MALRD1: variants seen among roughly 807,000 people sequenced by gnomAD.
The protein encoded by MALRD1 is MAM and LDL-receptor class A domain-containing protein 1.
MALRD1 carries 247 observed loss-of-function variants against 242.1 expected under a neutral mutation model. That is an observed-to-expected ratio of 1.02 (90% CI 0.92 to 1.13). The LOEUF is 1.13. Ranked by LOEUF, MALRD1 falls within the 50% of genes most tolerant of loss-of-function variation. The pLI is 0.00. For synonymous variants in MALRD1, 995 were observed against 866.6 expected, an observed-to-expected ratio of 1.15 and a Z score of -2.60; for missense variants, 2,989 against 2,533.1, an observed-to-expected ratio of 1.18 and a Z score of -3.86.
At chr10:19,475,151 C>G (rs1209509020) in intron 29 of MALRD1, among the ~76,000 whole-genome samples, 1 of 152,194 alleles carries the variant, frequency 6.6e-6, no homozygotes. Flanking sequence ...CGCAGTGGCT[C>G]ACGCCTGTAA....
intron 36 of MALRD1, among the ~76,000 whole-genome samples, chr10:19,681,867 T>C (rs1319565937): frequency 6.6e-6 from 1 of 150,624 alleles, no homozygotes; most frequent in African/African-American, 2.4e-5. Flanking sequence ...ACTTTTTTTT[T>C]TTTTTTTTTG....
At chr10:19,377,302 TA>T (rs762556150) in intron 26 of MALRD1, among the ~76,000 whole-genome samples, 1 of 152,280 alleles carries the variant, frequency 6.6e-6, no homozygotes, top group East Asian at 1.9e-4. Flanking sequence ...GTTATTTTTA[TA>T]TATTAAGTAA....
At chr10:19,672,405 A>G (rs1841963022) in intron 36 of MALRD1, among the ~76,000 whole-genome samples, 1 of 147,416 alleles carries the variant, frequency 6.8e-6, no homozygotes. Flanking sequence ...CAACAGAGAT[A>G]TATAGCTTTT....
At chr10:19,384,847 T>G (rs1846012342) in intron 26 of MALRD1, among the ~76,000 whole-genome samples, 1 of 151,042 alleles carries the variant, frequency 6.6e-6, no homozygotes, top group African/African-American at 2.4e-5. Flanking sequence ...TTGCTCCTTA[T>G]GCTAGAGAAA....
At chr10:19,475,340 A>G (rs1836682707) in intron 29 of MALRD1, among the ~76,000 whole-genome samples, 2 of 152,312 alleles carry the variant, frequency 1.3e-5, no homozygotes, top group South Asian at 2.1e-4. Context: ...GTGTGAACCC[A>G]GGAGGCGGAG....
chr10:19,727,391 C>G (rs1017501515), intron 38 of MALRD1, among the ~76,000 whole-genome samples: 8 of 152,062 alleles, frequency 5.3e-5, no homozygotes, highest in Non-Finnish European at 1.2e-4. Flanking sequence ...TAAGTGAATT[C>G]CATTAGAAGT....
intron 19 of MALRD1, among the ~76,000 whole-genome samples, chr10:19,261,066 G>T (rs1839726078): frequency 6.6e-6 from 1 of 152,110 alleles, no homozygotes; most frequent in Non-Finnish European, 1.5e-5. Flanking sequence ...GAATCACTGT[G>T]ACCTCAGAGT....
intron 35 of MALRD1, among the ~76,000 whole-genome samples, chr10:19,609,165 TGTAG>T (rs1041143398): frequency 9.9e-5 from 15 of 152,080 alleles, no homozygotes; most frequent in Non-Finnish European, 2.1e-4. Context: ...ATAGACAATC[TGTAG>T]GTAGTGCTAT....
At chr10:19,598,100 A>AG in intron 34 of MALRD1, 1 of 152,222 alleles carries the variant, frequency 6.6e-6, no homozygotes, top group Admixed American at 6.6e-5. Context: ...TATGGGATGG[A>AG]TTGGAGTGAG....
intron 31 of MALRD1, among the ~76,000 whole-genome samples, chr10:19,527,524 A>C (rs765468314): frequency 6.6e-6 from 1 of 152,202 alleles, no homozygotes; most frequent in Non-Finnish European, 1.5e-5. Flanking sequence ...TTTCAACATC[A>C]GGTTGACACT....
Position 19,595,262 on chromosome 10 carries a change from G to C in MALRD1, c.5749G>C (p.Val1917Leu). 6.4e-7 allele frequency: 1 copy of C among 1,550,614 alleles called. No individual in the cohort carries two copies. The highest frequency in any genetic ancestry group is 8.7e-7 in the Non-Finnish European group (1 of 1,146,928). The change falls in exon 34 of 40, where the codon GTC becomes CTC. Residue 1917 changes from valine to leucine, a missense_variant. Coordinates refer to ENST00000454679, the MANE Select transcript of MALRD1 (RefSeq NM_001142308.3). The stretch of plus-strand genomic sequence containing the variant: ...TTCTTGTATCTACACACTCCAATGT[G>C]TCCCTCTCTCAGGGAAATGTGATGG... ...QFSCIYTLQCVPLSGKCDGHE... is the reference protein window; with the variant it reads ...QFSCIYTLQCLPLSGKCDGHE...
At chr10:19,581,994 G>T (rs1439892087) in intron 33 of MALRD1, among the ~76,000 whole-genome samples, 1 of 152,120 alleles carries the variant, frequency 6.6e-6, no homozygotes, top group Non-Finnish European at 1.5e-5. Context: ...TTTTTTTCAT[G>T]TGTTTTTTGG....
At chr10:19,384,548 A>G (rs1845989159) in intron 26 of MALRD1, among the ~76,000 whole-genome samples, 1 of 121,378 alleles carries the variant, frequency 8.2e-6, no homozygotes, top group Non-Finnish European at 1.6e-5. Context: ...TTTACTATAT[A>G]TTATATATTA....
intron 18 of MALRD1, among the ~76,000 whole-genome samples, chr10:19,217,827 C>A (rs1005138682): frequency 6.6e-6 from 1 of 152,136 alleles, no homozygotes; most frequent in African/African-American, 2.4e-5. Flanking sequence ...CCCAATCAAT[C>A]ATGCGGTCTT....
intron 20 of MALRD1, 136 bp downstream of exon 20, chr10:19,280,359 A>G (rs770699191): frequency 6.7e-6 from 4 of 594,772 alleles, no homozygotes; most frequent in Non-Finnish European, 7.5e-6. Context: ...TGTAACAGTT[A>G]TTCATACAGA....
intron 36 of MALRD1, among the ~76,000 whole-genome samples, chr10:19,619,098 A>T (rs1184413031): frequency 6.6e-6 from 1 of 152,072 alleles, no homozygotes; most frequent in East Asian, 1.9e-4. Context: ...CCTAGCCATC[A>T]CGAATTTCAC....
Position 19,320,815 on chromosome 10 carries a change from G to C in MALRD1, c.3420-3134G>C, listed in dbSNP as rs765614742. Among the ~76,000 whole-genome samples, 27 of 151,720 alleles carry C rather than the reference G, an allele frequency of 1.8e-4. 1 individual carries two copies. The highest frequency in any genetic ancestry group is 3.4e-4 in the Non-Finnish European group (23 of 67,936). On this transcript the variant is annotated intron_variant, in intron 21 of 39. Coordinates refer to ENST00000454679, the MANE Select transcript of MALRD1 (RefSeq NM_001142308.3). ...TCATTGTGGTTTTGATTTGCATTTC[G>C]CTAATGACCTGTGATGATGAGCTTT...
chr10:19,239,943 C>T (rs1205216658), intron 18 of MALRD1, among the ~76,000 whole-genome samples: 2 of 152,046 alleles, frequency 1.3e-5, no homozygotes, highest in African/African-American at 4.8e-5. Context: ...GTGCCTCCAG[C>T]TTTGTTATTT....
intron 31 of MALRD1, among the ~76,000 whole-genome samples, chr10:19,510,618 G>A (rs61841376): frequency 0.13 from 19,777 of 151,654 alleles, 1,037 homozygotes; most frequent in East Asian, 0.21. Context: ...ATGTTTCTGC[G>A]AGCACAGGGT....
Sources: allele counts gnomAD v4.1 joint callset (sites outside exome capture counted in the v4.1 genomes callset), GRCh38; gene constraint gnomAD v4.1.1; transcripts MANE v1.5; gene names NCBI Gene and HGNC (gene_info 2026-07-23, HGNC 2026-07-21).